Variants in TXLNB observed in about 807,000 individuals in gnomAD.
The protein encoded by TXLNB is beta-taxilin.
Under a neutral mutation model 57.4 loss-of-function variants are expected in TXLNB, and 37 were observed. The ratio of observed to expected loss-of-function variants is 0.64; its 90% CI spans 0.50 to 0.85. The LOEUF (loss-of-function observed/expected upper bound fraction) is 0.85, where lower values mean the gene tolerates loss of function less well. TXLNB is among the 40% of genes least tolerant of loss of function. TXLNB has a pLI of 0.00. For synonymous variants in TXLNB, 302 were observed against 309.6 expected (o/e 0.98, Z 0.26); for missense variants, 848 against 825.6 (o/e 1.03, Z -0.33).
the TXLNB span, among the ~76,000 whole-genome samples, chr6:139,308,069 G>A: frequency 6.6e-6 from 1 of 151,562 alleles, no homozygotes; most frequent in Non-Finnish European, 1.5e-5. Flanking sequence ...CCAAGTGATC[G>A]ATGCTTCCAC....
the TXLNB span, chr6:139,159,349 G>T: frequency 6.6e-6 from 1 of 152,132 alleles, no homozygotes; most frequent in African/African-American, 2.4e-5. Flanking sequence ...GGAATAATCA[G>T]CGATCTAATA....
the TXLNB span, chr6:139,180,605 C>T: frequency 2.0e-5 from 3 of 152,582 alleles, no homozygotes; most frequent in South Asian, 6.2e-4. Context: ...CCATTAAAAC[C>T]AGCTCAAAAA....
At chr6:139,193,431 A>G in the TXLNB span, among the ~76,000 whole-genome samples, 1 of 151,834 alleles carries the variant, frequency 6.6e-6, no homozygotes, top group Non-Finnish European at 1.5e-5. Context: ...TTTCTTGCTC[A>G]TGGGTTTTCA....
chr6:139,217,288 A>G, the TXLNB span, among the ~76,000 whole-genome samples: 1 of 152,204 alleles, frequency 6.6e-6, no homozygotes, highest in East Asian at 1.9e-4. Flanking sequence ...AGAATAAGTC[A>G]TATAAGAAAA....
At chr6:139,254,096 C>T (rs1776276039) in intron 7 of TXLNB, among the ~76,000 whole-genome samples, 1 of 152,184 alleles carries the variant, frequency 6.6e-6, no homozygotes, top group South Asian at 2.1e-4. Context: ...ATGGTTCTAA[C>T]TTCTATGTAT....
At chr6:139,291,888 C>T (rs1249772390) in intron 1 of TXLNB, 33 bp downstream of exon 1, 1 of 152,214 alleles carries the variant, frequency 6.6e-6, no homozygotes, top group Non-Finnish European at 1.5e-5. Flanking sequence ...TATACCTTCT[C>T]ACAGGGCTTG....
chr6:139,250,163 T>G (rs1776162374), intron 7 of TXLNB, among the ~76,000 whole-genome samples: 1 of 147,798 alleles, frequency 6.8e-6, no homozygotes, highest in East Asian at 2.0e-4. Flanking sequence ...TACAGGCACA[T>G]GCCCCATGTC....
chr6:139,193,845 T>TTTA, the TXLNB span, among the ~76,000 whole-genome samples: 1 of 59,896 alleles, frequency 1.7e-5, no homozygotes, highest in South Asian at 4.3e-4. Flanking sequence ...TATATATTTT[T>TTTA]TTTTTTTTTT....
intron 7 of TXLNB, among the ~76,000 whole-genome samples, chr6:139,251,048 T>A (rs1776192814): frequency 6.6e-6 from 1 of 152,258 alleles, no homozygotes; most frequent in Non-Finnish European, 1.5e-5. Flanking sequence ...TGTTTTCTTG[T>A]TGCTGGCTCA....
chr6:139,269,663 G>T (rs564291138), intron 4 of TXLNB, among the ~76,000 whole-genome samples: 2 of 152,098 alleles, frequency 1.3e-5, no homozygotes, highest in Non-Finnish European at 2.9e-5. Context: ...CCTTTTAAAC[G>T]CTTATAATAA....
At chr6:139,258,679 A>G (rs1212782094) in intron 6 of TXLNB, among the ~76,000 whole-genome samples, 1 of 152,056 alleles carries the variant, frequency 6.6e-6, no homozygotes, top group African/African-American at 2.4e-5. Flanking sequence ...AAAATGTGAC[A>G]TGGCCAAATT....
At chr6:139,283,770 T>G (rs1041762354) in intron 2 of TXLNB, among the ~76,000 whole-genome samples, 1 of 145,374 alleles carries the variant, frequency 6.9e-6, no homozygotes, top group Non-Finnish European at 1.5e-5. Context: ...TGGAAAATGT[T>G]GTAGTAGAGA....
the TXLNB span, among the ~76,000 whole-genome samples, chr6:139,212,302 G>T: frequency 6.6e-6 from 1 of 152,176 alleles, no homozygotes; most frequent in African/African-American, 2.4e-5. Context: ...CTACAAGCCA[G>T]AAGAGAGTGG....
rs1776921312 is a variant in TXLNB, at chr6:139,277,210, T to G, written c.425-289A>C. ...TTTCATCACAAGAATCCGTTCTTAT[T>G]TCTCCTCCCTGTATTCTTCAGAATC... On this transcript the variant is annotated intron_variant, in intron 2 of 9. Coordinates refer to ENST00000358430, the MANE Select transcript of TXLNB (RefSeq NM_153235.4). 1.0e-5 allele frequency: 3 copies of G among 287,968 alleles called. No homozygotes were observed. In the East Asian group the frequency reaches 2.1e-4, roughly 20 times the overall value. The allele number at this position is 287,968 out of a possible 1,614,324, so 17.8% of individuals were successfully genotyped here.
At chr6:139,287,934 C>G (rs1463678733) in intron 2 of TXLNB, among the ~76,000 whole-genome samples, 1 of 152,184 alleles carries the variant, frequency 6.6e-6, no homozygotes, top group African/African-American at 2.4e-5. Context: ...TCTTTGTGCA[C>G]CTAGCACAGT....
the TXLNB span, among the ~76,000 whole-genome samples, chr6:139,319,760 G>C: frequency 1.3e-5 from 2 of 151,940 alleles, no homozygotes; most frequent in Non-Finnish European, 2.9e-5. Context: ...GTGAGACCCT[G>C]TCTCTAAAAA....
the TXLNB span, among the ~76,000 whole-genome samples, chr6:139,322,775 CTTCT>C: frequency 6.6e-6 from 1 of 152,222 alleles, no homozygotes; most frequent in African/African-American, 2.4e-5. Flanking sequence ...CCCCTTGTTC[CTTCT>C]TTTTCTGTAG....
the TXLNB span, among the ~76,000 whole-genome samples, chr6:139,194,023 A>G: frequency 2.7e-5 from 4 of 150,892 alleles, no homozygotes; most frequent in Non-Finnish European, 5.9e-5. Flanking sequence ...TTGTATTTTT[A>G]GTAGAGACGG....
At position 139,261,901 on chromosome 6, in the gene TXLNB, C is replaced by CTTT. The variant is rs759412856; in HGVS notation, c.882+675_882+677dup. 1.3e-3 allele frequency among the ~76,000 whole-genome samples: 159 copies of CTTT among 117,864 alleles called. 4 individuals are homozygous for CTTT. Among genetic ancestry groups the CTTT allele is most frequent in the African/African-American group, 3.4e-3 (95 of 28,260 alleles). 77.3% of individuals were successfully genotyped at this position (117,864 alleles called of 152,430 possible). ...TGGTAGGGTACATAGAATACAGACT[C>CTTT]TTTTTTTTTTTTTTTTTTTTGAGAC... On this transcript the variant is annotated intron_variant, in intron 5 of 9. Coordinates refer to ENST00000358430, the MANE Select transcript of TXLNB (RefSeq NM_153235.4).
Sources: allele counts gnomAD v4.1 joint callset (sites outside exome capture counted in the v4.1 genomes callset), GRCh38; gene constraint gnomAD v4.1.1; transcripts MANE v1.5; gene names NCBI Gene and HGNC (gene_info 2026-07-23, HGNC 2026-07-21).